Variants in NTN4 observed in about 807,000 individuals in gnomAD.
NTN4 encodes netrin 4, also known as netrin-4.
NTN4 carries 32 observed loss-of-function variants against 73.6 expected under a neutral mutation model. That is an observed-to-expected ratio of 0.44 (90% CI 0.33 to 0.58). The LOEUF is 0.58. Among genes scored for constraint, NTN4 ranks in the 20% least tolerant of loss-of-function variants. The pLI, the probability that NTN4 is intolerant of heterozygous loss-of-function variation, is 0.04. For synonymous variants in NTN4, 258 were observed against 287.5 expected, an observed-to-expected ratio of 0.90 and a Z score of 1.04; for missense variants, 654 against 798.3, an observed-to-expected ratio of 0.82 and a Z score of 2.18.
intron 4 of NTN4, 125 bp from the exon 5 acceptor site, chr12:95,710,754 G>A: frequency 1.2e-6 from 1 of 831,290 alleles, no homozygotes; most frequent in Middle Eastern, 3.5e-4. Context: ...TGTAATCCCA[G>A]CACTTGTGGG....
chr12:95,722,087 G>A (rs79042769), intron 3 of NTN4, among the ~76,000 whole-genome samples: 4 of 142,988 alleles, frequency 2.8e-5, no homozygotes, highest in Non-Finnish European at 6.0e-5. Context: ...TTTTTTTTTG[G>A]TAGTATTACA....
chr12:95,706,668 C>T (rs567779044), intron 5 of NTN4, among the ~76,000 whole-genome samples: 100 of 152,258 alleles, frequency 6.6e-4, no homozygotes, highest in South Asian at 3.3e-3. Context: ...ATCAATCCTC[C>T]AACGTTTTCT....
intron 2 of NTN4, among the ~76,000 whole-genome samples, chr12:95,774,936 C>T (rs1292476716): frequency 6.6e-6 from 1 of 152,164 alleles, no homozygotes; most frequent in African/African-American, 2.4e-5. Flanking sequence ...AAAGGCATTT[C>T]AACTTAGTAT....
chr12:95,762,417 C>T lies in NTN4; in HGVS notation c.586-24273G>A, dbSNP rs142942840. 6.5e-4 allele frequency among the ~76,000 whole-genome samples: 99 copies of T among 152,286 alleles called. 2 individuals are homozygous for T. The East Asian group carries it at 0.015, about 23-fold the overall frequency. ...AGACCTTGAGGATAAGTATTAATCA[C>T]ATCATGAAAGGTTTTCTCAGTAGAG... On this transcript the variant is annotated intron_variant, in intron 2 of 9. Transcript: ENST00000343702.
At chr12:95,741,173 C>T (rs1361659768) in intron 2 of NTN4, among the ~76,000 whole-genome samples, 1 of 151,690 alleles carries the variant, frequency 6.6e-6, no homozygotes, top group African/African-American at 2.4e-5. Flanking sequence ...GTAGTCCGCC[C>T]TTATCCTCCG....
At chr12:95,713,561 A>G (rs1188728745) in intron 3 of NTN4, among the ~76,000 whole-genome samples, 2 of 152,360 alleles carry the variant, frequency 1.3e-5, no homozygotes, top group Non-Finnish European at 2.9e-5. Context: ...GCTGAAGGGT[A>G]TATGACCCTA....
intron 5 of NTN4, among the ~76,000 whole-genome samples, chr12:95,690,102 G>A (rs192463986): frequency 6.6e-6 from 1 of 152,286 alleles, no homozygotes; most frequent in East Asian, 1.9e-4. Context: ...TTAGCAAATG[G>A]TAGATTACAG....
rs1324127058 is a variant in NTN4, at chr12:95,752,449, C to T, written c.586-14305G>A. ...TTTACTATTCCTTTGCACCCTTCAT[C>T]CCAGCCTCTCTTTGCTTTCACTTGG... is the stretch of plus-strand genomic sequence containing the variant. On this transcript the variant is annotated intron_variant, in intron 2 of 9. Transcript: ENST00000343702. Among the ~76,000 whole-genome samples, 121 of 151,638 alleles carry T rather than the reference C, an allele frequency of 8.0e-4. 2 individuals carry two copies. The highest frequency in any genetic ancestry group is 3.4e-3 in the Middle Eastern group (1 of 294).
intron 4 of NTN4, among the ~76,000 whole-genome samples, chr12:95,711,500 T>C (rs1376988154): frequency 6.6e-6 from 1 of 152,206 alleles, no homozygotes; most frequent in Non-Finnish European, 1.5e-5. Flanking sequence ...GATGTAGGCA[T>C]GAATTCATGC....
rs1454896864 is a variant in NTN4, at chr12:95,725,006, A to AGGATTTTTTTTTTTTTTTTTTTTTTTT, written c.865-11669_865-11668insAAAAAAAAAAAAAAAAAAAAAAAATCC. ...ATCTTAGAACAGTGATGTCATCAGG[A>AGGATTTTTTTTTTTTTTTTTTTTTTTT]TTTTTTTTTTTTTTTTGCTTCCCAC... On this transcript the variant is annotated intron_variant, in intron 3 of 9. Transcript: ENST00000343702. Among the ~76,000 whole-genome samples, 3 of 135,840 alleles carry AGGATTTTTTTTTTTTTTTTTTTTTTTT rather than the reference A, an allele frequency of 2.2e-5. 1 individual carries two copies. The allele number at this position is 135,840 out of a possible 152,430, so 89.1% of individuals were successfully genotyped here.
chr12:95,732,603 G>A (rs1196273297), intron 3 of NTN4, among the ~76,000 whole-genome samples: 3 of 151,808 alleles, frequency 2.0e-5, no homozygotes, highest in African/African-American at 4.8e-5. Flanking sequence ...GGGTTTTACC[G>A]TGTTGGCCGG....
intron 2 of NTN4, among the ~76,000 whole-genome samples, chr12:95,785,809 T>G (rs1289315682): frequency 6.6e-6 from 1 of 152,198 alleles, no homozygotes; most frequent in African/African-American, 2.4e-5. Context: ...TACCCTAGTT[T>G]CTGTAGCCAT....
chr12:95,661,555 A>G (rs892354262), intron 9 of NTN4, among the ~76,000 whole-genome samples: 2 of 152,210 alleles, frequency 1.3e-5, no homozygotes, highest in Non-Finnish European at 2.9e-5. Flanking sequence ...CCTTCATTGT[A>G]ATCCAAAGGT....
chr12:95,683,675 G>T lies in NTN4; in HGVS notation c.1217C>A (p.Pro406His). ...GTCGCAGAAGGTCACTGAGTTGGCAGGAAGGACAGCTGATCCTACTGGATG... is the reference window on the plus strand; with the variant it reads ...GTCGCAGAAGGTCACTGAGTTGGCATGAAGGACAGCTGATCCTACTGGATG... ...SCHPVGSAVL[P>H]ANSVTFCDPS... is the part of the protein sequence containing the mutation. Residue 406 changes from proline to histidine, a missense_variant, in exon 6 of 10, where the codon CCT becomes CAT. By Grantham distance (77) the Pro-to-His change is moderately conservative. Coordinates refer to ENST00000343702, the MANE Select transcript of NTN4 (RefSeq NM_021229.4). 1 of 1,612,958 alleles carries T rather than the reference G, an allele frequency of 6.2e-7. No homozygotes were observed. The highest frequency in any genetic ancestry group is 8.5e-7 in the Non-Finnish European group (1 of 1,179,456).
chr12:95,750,241 C>T (rs186136399), intron 2 of NTN4, among the ~76,000 whole-genome samples: 2,109 of 150,856 alleles, frequency 0.014, 25 homozygotes, highest in Middle Eastern at 0.1. Context: ...CTTATCTCTG[C>T]GCCCCAACCC....
At chr12:95,770,988 A>AATTTTTTTTTTTT (rs2079053316) in intron 2 of NTN4, among the ~76,000 whole-genome samples, 2 of 58,070 alleles carry the variant, frequency 3.4e-5, no homozygotes, top group African/African-American at 8.8e-5. Flanking sequence ...CAGGAAAAGA[A>AATTTTTTTTTTTT]TTTGTTTTTT....
At chr12:95,721,357 C>T (rs2078646391) in intron 3 of NTN4, among the ~76,000 whole-genome samples, 1 of 152,004 alleles carries the variant, frequency 6.6e-6, no homozygotes, top group South Asian at 2.1e-4. Flanking sequence ...AGAGACTGGC[C>T]CCAATTTCCC....
chr12:95,734,069 CAAAAA>C (rs34550049), intron 3 of NTN4, among the ~76,000 whole-genome samples: 1 of 94,234 alleles, frequency 1.1e-5, no homozygotes, highest in Non-Finnish European at 2.4e-5. Context: ...GACTCCATTT[CAAAAA>C]AAAAAAAAAA....
chr12:95,728,307 A>G (rs2078710491), intron 3 of NTN4, among the ~76,000 whole-genome samples: 2 of 152,184 alleles, frequency 1.3e-5, no homozygotes. Flanking sequence ...TGCCCTGGCT[A>G]GAACTTCCAG....
Sources: gnomAD v4.1 joint callset for allele counts (sites outside exome capture counted in the v4.1 genomes callset) on GRCh38, gnomAD v4.1.1 for gene constraint, MANE v1.5 for transcripts, NCBI Gene and HGNC (gene_info 2026-07-23, HGNC 2026-07-21) for gene names.